Variants in SLC22A5 observed in about 807,000 individuals in gnomAD.
SLC22A5 encodes the protein organic cation/carnitine transporter 2.
SLC22A5 carries 44 observed loss-of-function variants against 56.7 expected under a neutral mutation model. The observed-to-expected ratio is 0.78, with a 90% confidence interval of 0.61 to 1.00. The LOEUF (loss-of-function observed/expected upper bound fraction) is 1.00, where lower values mean the gene tolerates loss of function less well. Ranked by LOEUF, SLC22A5 falls within the 50% of genes least tolerant of loss-of-function variation. The pLI is 0.00. For missense variants in SLC22A5, 675 were observed against 723.0 expected, an observed-to-expected ratio of 0.93 and a Z score of 0.76; for synonymous variants, 278 against 292.1, an observed-to-expected ratio of 0.95 and a Z score of 0.49.
At chr5:132,392,646 G>C in intron 8 of SLC22A5, 31 bp downstream of exon 8, 1 of 1,592,068 alleles carries the variant, frequency 6.3e-7, no homozygotes, top group Non-Finnish European at 8.6e-7. Context: ...GCACACTAGA[G>C]CAACGGGATG....
At position 132,375,339 on chromosome 5, in the gene SLC22A5, G is replaced by A. The variant is rs114950084; in HGVS notation, c.394-3039G>A. 4.5e-3 allele frequency among the ~76,000 whole-genome samples: 680 copies of A among 152,296 alleles called. 2 individuals are homozygous for A. The highest frequency in any genetic ancestry group is 7.6e-3 in the Non-Finnish European group (517 of 68,032). ...GGATTCATCATTGATTTCAGCAGGA[G>A]GCAGGATAAAATGTGTGTAGGAATA... On this transcript the variant is annotated intron_variant, in intron 1 of 9. Transcript: ENST00000245407.
intron 2 of SLC22A5, chr5:132,378,812 G>A (rs1032742319): frequency 4.5e-5 from 17 of 380,328 alleles, no homozygotes; most frequent in Non-Finnish European, 7.6e-5. Context: ...CTGAGCATGG[G>A]AGAGGTTGAC....
intron 6 of SLC22A5, 149 bp downstream of exon 6, chr5:132,389,170 T>C (rs1345243467): frequency 1.5e-6 from 1 of 669,354 alleles, no homozygotes; most frequent in Non-Finnish European, 2.7e-6. Context: ...ATGGAAAAAA[T>C]GGGCATGTCA....
At chr5:132,374,893 A>C (rs1456405299) in intron 1 of SLC22A5, among the ~76,000 whole-genome samples, 2 of 152,138 alleles carry the variant, frequency 1.3e-5, no homozygotes, top group African/African-American at 4.8e-5. Context: ...CGTCTCTACT[A>C]AAAATACAAA....
rs527671166 is a variant in SLC22A5, at chr5:132,388,767, AAC to A, written c.952-150_952-149del. The A allele has an allele frequency of 3.6e-4, 247 of 681,782 alleles. 2 individuals carry two copies. Among genetic ancestry groups the A allele is most frequent in the Admixed American group, 1.8e-3 (86 of 49,050 alleles). 42.2% of individuals were successfully genotyped at this position (681,782 alleles called of 1,614,324 possible). A position where few individuals can be genotyped will look rare whatever the true frequency, so the allele number is the denominator to read the frequency against. ...GCCTAGGGAAGTTTTCACAGCCTAA[AAC>A]ACAGTCAGTATACTTACTGTTCTTA... On this transcript the variant is annotated intron_variant, in intron 5 of 9. Coordinates refer to ENST00000245407, the MANE Select transcript of SLC22A5 (RefSeq NM_003060.4).
Position 132,385,383 on chromosome 5 carries a change from C to T in SLC22A5, c.708C>T (p.Cys236=). The part of the protein sequence containing the change: ...VRIIFSTLGV[C]IFYAFGYMVL... ...TAATATTCTCTACGTTAGGAGTGTGCATATTTTATGCATTTGGCTACATGG... is the reference window on the plus strand; with the variant it reads ...TAATATTCTCTACGTTAGGAGTGTGTATATTTTATGCATTTGGCTACATGG... The change falls in exon 4 of 10, where the codon TGC becomes TGT. Residue 236 remains cysteine (C), a synonymous_variant. Transcript: ENST00000245407. 1 of 1,613,792 alleles carries T rather than the reference C, an allele frequency of 6.2e-7. No homozygotes were observed. Among genetic ancestry groups the T allele is most frequent in the Non-Finnish European group, 8.5e-7 (1 of 1,179,670 alleles).
Position 132,394,554 on chromosome 5 carries a change from C to T in SLC22A5, c.*282C>T, listed in dbSNP as rs1475076472. Reference sequence around the variant, plus strand: ...CACCTCCAAAGCAGTTAATTTTTCACTAGAACCAGTGAGATCTGGAGGAAT... The same window carrying T: ...CACCTCCAAAGCAGTTAATTTTTCATTAGAACCAGTGAGATCTGGAGGAAT... On this transcript the variant is annotated 3_prime_UTR_variant, in exon 10 of 10. Transcript: ENST00000245407. The T allele has an allele frequency of 1.3e-4, 66 of 499,918 alleles. 2 individuals are homozygous for T. The highest frequency in any genetic ancestry group is 9.7e-4 in the South Asian group (40 of 41,408). The allele number at this position is 499,918 out of a possible 1,614,324, so 31.0% of individuals were successfully genotyped here. A position where few individuals can be genotyped will look rare whatever the true frequency, so the allele number is the denominator to read the frequency against.
chr5:132,384,090 G>T, intron 2 of SLC22A5, 57 bp from the exon 3 acceptor site: 1 of 1,573,134 alleles, frequency 6.4e-7, no homozygotes, highest in East Asian at 2.2e-5. Flanking sequence ...ACTTGGTGGA[G>T]CCCATTCCTG....
At position 132,385,395 on chromosome 5, in the gene SLC22A5, A is replaced by T. The variant is rs771114311; in HGVS notation, c.720A>T (p.Ala240=). The T allele has an allele frequency of 1.2e-6, 2 of 1,614,064 alleles. No individual in the cohort carries two copies. The highest frequency in any genetic ancestry group is 1.7e-6 in the Non-Finnish European group (2 of 1,179,884). Reference sequence around the variant, plus strand: ...CGTTAGGAGTGTGCATATTTTATGCATTTGGCTACATGGTGCTGCCACTGT... The same window carrying T: ...CGTTAGGAGTGTGCATATTTTATGCTTTTGGCTACATGGTGCTGCCACTGT... ...FSTLGVCIFY[A]FGYMVLPLFA... Residue 240 remains alanine (A), a synonymous_variant, in exon 4 of 10, where the codon GCA becomes GCT. Transcript: ENST00000245407.
intron 2 of SLC22A5, chr5:132,381,292 C>T (rs1190029338): frequency 6.6e-6 from 1 of 152,212 alleles, no homozygotes; most frequent in East Asian, 1.9e-4. Context: ...CCTTTCTAAA[C>T]ATTTTGGCCA....
At chr5:132,381,736 A>C (rs1752355865) in intron 2 of SLC22A5, 1 of 152,228 alleles carries the variant, frequency 6.6e-6, no homozygotes. Context: ...CTCTAGGAAG[A>C]AGTAGACTGC....
At position 132,394,247 on chromosome 5, in the gene SLC22A5, C is replaced by A; in HGVS notation, c.1649C>A (p.Thr550Lys). Residue 550 changes from threonine (T) to lysine (K), a missense_variant, in exon 10 of 10, where the codon ACA becomes AAA. Transcript: ENST00000245407. ...RMLKDGQERP[T>K]ILKSTAF ...TTAAAAGATGGTCAAGAAAGGCCCA[C>A]AATCCTTAAAAGCACAGCCTTCTAA... 6.2e-7 allele frequency: 1 copy of A among 1,612,834 alleles called. No homozygotes were observed. The highest frequency in any genetic ancestry group is 1.3e-5 in the African/African-American group (1 of 75,042).
intron 5 of SLC22A5, 64 bp downstream of exon 5, chr5:132,387,215 C>T: frequency 6.2e-7 from 1 of 1,602,636 alleles, no homozygotes. Flanking sequence ...CAGCAGCACC[C>T]AGCCCTGAAG....
intron 7 of SLC22A5, 115 bp from the exon 8 acceptor site, chr5:132,392,318 G>A: frequency 2.2e-6 from 2 of 894,868 alleles, no homozygotes; most frequent in South Asian, 1.3e-5. Flanking sequence ...ACAATAGGAA[G>A]TGATAGAAAC....
At position 132,387,039 on chromosome 5, in the gene SLC22A5, C is replaced by T. The variant is rs386134208; in HGVS notation, c.839C>T (p.Ser280Phe). The T allele has an allele frequency of 1.8e-5, 29 of 1,613,896 alleles. No individual in the cohort carries two copies. Among genetic ancestry groups the T allele is most frequent in the East Asian group, 6.7e-5 (3 of 44,898 alleles). Residue 280 changes from serine to phenylalanine, a missense_variant, in exon 5 of 10, where the codon TCC (serine) becomes TTC (phenylalanine). Coordinates refer to ENST00000245407, the MANE Select transcript of SLC22A5 (RefSeq NM_003060.4). ...TGTACTGCCAGGTTCATCCCTGAGT[C>T]CCCCCGATGGCTCATCTCTCAGGGA... ...CVALWWFIPESPRWLISQGRF... is the reference protein window; with the variant it reads ...CVALWWFIPEFPRWLISQGRF...
rs370799040 is a variant in SLC22A5 at position 132,378,050 on chromosome 5, C to T, written c.394-328C>T. The T allele has an allele frequency of 8.0e-5, 120 of 1,504,028 alleles. No individual in the cohort carries two copies. The African/African-American group carries it at 1.5e-3, about 19-fold the overall frequency. 93.2% of individuals were successfully genotyped at this position (1,504,028 alleles called of 1,614,324 possible). ...CGAGGGTGCCCTGCCTCTTCCACAG[C>T]CCTGGGCTCCGCTCAGATTTTTAGG... On this transcript the variant is annotated intron_variant, in intron 1 of 9. Coordinates refer to ENST00000245407, the MANE Select transcript of SLC22A5 (RefSeq NM_003060.4).
intron 7 of SLC22A5, among the ~76,000 whole-genome samples, chr5:132,391,742 A>G (rs1752707452): frequency 6.6e-6 from 1 of 152,126 alleles, no homozygotes; most frequent in African/African-American, 2.4e-5. Context: ...AGAACAGTTC[A>G]TGGGCCCTCA....
At chr5:132,374,226 A>G (rs79806698) in intron 1 of SLC22A5, among the ~76,000 whole-genome samples, 32 of 151,894 alleles carry the variant, frequency 2.1e-4, no homozygotes, top group African/African-American at 7.2e-4. Context: ...TCTCAAAAAA[A>G]AAAAAGAAAA....
intron 7 of SLC22A5, among the ~76,000 whole-genome samples, chr5:132,391,410 A>G (rs1004649789): frequency 9.9e-5 from 15 of 152,178 alleles, no homozygotes; most frequent in African/African-American, 3.1e-4. Flanking sequence ...AGACTGTGTT[A>G]CCTTCTAGGA....
Sources: allele counts gnomAD v4.1 joint callset (sites outside exome capture counted in the v4.1 genomes callset), GRCh38; gene constraint gnomAD v4.1.1; transcripts MANE v1.5; gene names NCBI Gene and HGNC (gene_info 2026-07-23, HGNC 2026-07-21).